Variants in RMDN2 observed in about 807,000 individuals in gnomAD.
RMDN2 encodes the protein regulator of microtubule dynamics 2.
RMDN2 carries 61 observed loss-of-function variants against 52.8 expected under a neutral mutation model. That is an observed-to-expected ratio of 1.16 (90% CI 0.94 to 1.43). RMDN2 has a LOEUF of 1.43. RMDN2 is among the 40% of genes most tolerant of loss of function. The pLI is 0.00. For synonymous variants in RMDN2, 180 were observed against 153.1 expected (o/e 1.18, Z -1.30); for missense variants, 592 against 475.3 (o/e 1.25, Z -2.28).
chr2:37,943,723 T>G (rs954269637), intron 2 of RMDN2, among the ~76,000 whole-genome samples: 1 of 152,220 alleles, frequency 6.6e-6, no homozygotes, highest in African/African-American at 2.4e-5. Flanking sequence ...TATATATGCA[T>G]TTTTCATGTT....
At chr2:37,989,286 C>G (rs114516254) in intron 5 of RMDN2, among the ~76,000 whole-genome samples, 1 of 152,108 alleles carries the variant, frequency 6.6e-6, no homozygotes, top group Non-Finnish European at 1.5e-5. Flanking sequence ...CTGTTCTAAT[C>G]ACACTACCTG....
At position 37,932,299 on chromosome 2, in the gene RMDN2, CA is replaced by C. The variant is rs772650303; in HGVS notation, c.452+2573del. On this transcript the variant is annotated intron_variant, in intron 2 of 10. Coordinates refer to ENST00000354545, the MANE Select transcript of RMDN2 (RefSeq NM_001170791.3). The stretch of plus-strand genomic sequence containing the variant: ...ATGCTGCCTTCAAGCATCTGTTTAA[CA>C]AAGCACATCTTGCACCGCCCTTAAT... Among the ~76,000 whole-genome samples, 8 of 151,742 alleles carry C rather than the reference CA, an allele frequency of 5.3e-5. No homozygotes were observed. In the South Asian group the frequency reaches 1.0e-3, roughly 20 times the overall value.
At chr2:37,933,825 A>G (rs1667065878) in intron 2 of RMDN2, among the ~76,000 whole-genome samples, 1 of 152,362 alleles carries the variant, frequency 6.6e-6, no homozygotes, top group East Asian at 1.9e-4. Context: ...GTACAAAAAA[A>G]TTTAGATGTG....
chr2:38,063,181 A>G (rs548387963), intron 10 of RMDN2, among the ~76,000 whole-genome samples: 158 of 152,368 alleles, frequency 1.0e-3, no homozygotes, highest in African/African-American at 3.7e-3. Context: ...TAGATCCCTC[A>G]GGAATCGCCA....
rs1038285297 is a variant in RMDN2 at position 37,959,801 on chromosome 2, C to T, written c.453-14239C>T. 1.3e-5 allele frequency among the ~76,000 whole-genome samples: 2 copies of T among 150,822 alleles called. 1 individual carries two copies. Among genetic ancestry groups the T allele is most frequent in the African/African-American group, 5.0e-5 (2 of 40,144 alleles). On this transcript the variant is annotated intron_variant, in intron 2 of 10. Transcript: ENST00000354545. Reference sequence around the variant, plus strand: ...TGTAGGCATTTAGTGCTATAAATTTCCCTCTAATCACTGCGTTAGCTGTGC... The same window carrying T: ...TGTAGGCATTTAGTGCTATAAATTTTCCTCTAATCACTGCGTTAGCTGTGC...
At chr2:37,935,687 G>A (rs1460744544) in intron 2 of RMDN2, among the ~76,000 whole-genome samples, 3 of 151,972 alleles carry the variant, frequency 2.0e-5, no homozygotes, top group Non-Finnish European at 4.4e-5. Flanking sequence ...GACATAAATG[G>A]TCTTTTCTTC....
intron 10 of RMDN2, among the ~76,000 whole-genome samples, chr2:38,049,429 C>T (rs2125298034): frequency 6.6e-6 from 1 of 152,314 alleles, no homozygotes; most frequent in Non-Finnish European, 1.5e-5. Flanking sequence ...CTTCAAATCC[C>T]TGCTAAGAGT....
chr2:37,971,763 G>A (rs76686678), intron 2 of RMDN2, among the ~76,000 whole-genome samples: 1 of 152,062 alleles, frequency 6.6e-6, no homozygotes. Context: ...TTCATAGTAG[G>A]TCCTAAAATC....
intron 2 of RMDN2, among the ~76,000 whole-genome samples, chr2:37,953,968 G>A (rs547108480): frequency 2.2e-4 from 33 of 151,842 alleles, no homozygotes; most frequent in Admixed American, 6.6e-4. Context: ...ACATCTTTTC[G>A]TGTGACTGCT....
downstream of RMDN2, among the ~76,000 whole-genome samples, chr2:38,019,770 C>T (rs1193722998): frequency 2.6e-5 from 4 of 151,946 alleles, no homozygotes; most frequent in African/African-American, 9.7e-5. Context: ...CCCATCTCTA[C>T]AAAAATTAGC....
chr2:37,997,637 T>G, intron 8 of RMDN2, 123 bp downstream of exon 8: 1 of 690,800 alleles, frequency 1.4e-6, no homozygotes, highest in Non-Finnish European at 2.5e-6. Context: ...GGTTTTGGCA[T>G]GTTCTGTTTT....
chr2:37,958,168 C>A (rs1669729136), intron 2 of RMDN2, among the ~76,000 whole-genome samples: 1 of 152,114 alleles, frequency 6.6e-6, no homozygotes, highest in African/African-American at 2.4e-5. Context: ...GTAGTTTTTT[C>A]TAATTCTGTG....
At chr2:37,975,701 A>T (rs187716575) in intron 4 of RMDN2, among the ~76,000 whole-genome samples, 41 of 148,002 alleles carry the variant, frequency 2.8e-4, no homozygotes, top group African/African-American at 1.1e-3. Flanking sequence ...AAAGTGTAAT[A>T]AAAAAAAAGA....
At chr2:38,048,810 T>G (rs62136320) in intron 10 of RMDN2, among the ~76,000 whole-genome samples, 44,823 of 152,228 alleles carry the variant, frequency 0.29, 8,166 homozygotes, top group South Asian at 0.49. Flanking sequence ...TTATTAGCAC[T>G]GTCGCAACTT....
chr2:37,956,944 T>C (rs2124993907), intron 2 of RMDN2, among the ~76,000 whole-genome samples: 1 of 152,224 alleles, frequency 6.6e-6, no homozygotes, highest in African/African-American at 2.4e-5. Flanking sequence ...CTGAGAATGG[T>C]GGTTTCCAGC....
At chr2:38,030,550 G>C (rs778782709) in intron 10 of RMDN2, 1 of 152,126 alleles carries the variant, frequency 6.6e-6, no homozygotes, top group Non-Finnish European at 1.5e-5. Flanking sequence ...TATAGTGAAA[G>C]CACATATATT....
In RMDN2 at chr2:38,023,358, G is replaced by A. The variant is rs142101845; in HGVS notation, c.1713+19142G>A. The stretch of plus-strand genomic sequence containing the variant: ...GGAAAGGAAAAAAGAATTTTAAAAG[G>A]TAGAGAGCAGTAAAGAAAGAAGGAA... On this transcript the variant is annotated intron_variant, in intron 10 of 10. Coordinates refer to the RMDN2 transcript ENST00000234195. Among the ~76,000 whole-genome samples, 333 of 152,244 alleles carry A rather than the reference G, an allele frequency of 2.2e-3. 1 individual carries two copies. The highest frequency in any genetic ancestry group is 3.0e-3 in the Non-Finnish European group (206 of 68,010).
intron 2 of RMDN2, among the ~76,000 whole-genome samples, chr2:37,930,682 G>A (rs2124890453): frequency 6.6e-6 from 1 of 152,330 alleles, no homozygotes; most frequent in East Asian, 1.9e-4. Context: ...GAGTGGGTGA[G>A]CAGAGAGGCC....
intron 8 of RMDN2, 65 bp downstream of exon 8, chr2:37,997,579 C>A: frequency 9.5e-7 from 1 of 1,052,748 alleles, no homozygotes; most frequent in South Asian, 1.3e-5. Flanking sequence ...TCCCTGCTGC[C>A]GTTGTCAAGG....
Sources: gnomAD v4.1 joint callset for allele counts (sites outside exome capture counted in the v4.1 genomes callset) on GRCh38, gnomAD v4.1.1 for gene constraint, MANE v1.5 for transcripts, NCBI Gene and HGNC (gene_info 2026-07-23, HGNC 2026-07-21) for gene names.